The following CNTN1 variants were observed in gnomAD, a reference collection of about 807,000 sequenced individuals.
CNTN1 encodes the protein contactin-1.
A neutral mutation model predicts 126.4 loss-of-function variants in CNTN1; 38 were observed. The observed-to-expected ratio is 0.30, with a 90% CI of 0.23 to 0.39. The LOEUF (loss-of-function observed/expected upper bound fraction) is 0.39. Among genes scored for constraint, CNTN1 ranks in the 10% least tolerant of loss-of-function variants. CNTN1 has a pLI of 1.00. For missense variants in CNTN1, 1,009 were observed against 1,248.4 expected, an observed-to-expected ratio of 0.81 and a Z score of 2.89; for synonymous variants, 413 against 422.6, an observed-to-expected ratio of 0.98 and a Z score of 0.28.
At chr12:41,056,746 A>T (rs1428441407) in intron 23 of CNTN1, among the ~76,000 whole-genome samples, 1 of 151,632 alleles carries the variant, frequency 6.6e-6, no homozygotes, top group African/African-American at 2.4e-5. Context: ...TCTAGACTCC[A>T]TCCGTACAAG....
At chr12:40,906,042 G>A (rs1320199007) in intron 1 of CNTN1, among the ~76,000 whole-genome samples, 2 of 152,200 alleles carry the variant, frequency 1.3e-5, no homozygotes. Context: ...TTGGGAGGCC[G>A]AGGCGGGCGG....
At position 41,016,928 on chromosome 12, in the gene CNTN1, A is replaced by C. The variant is rs773079383; in HGVS notation, c.2419+12A>C. 6.2e-7 allele frequency: 1 copy of C among 1,603,518 alleles called. No homozygotes were observed. The highest frequency in any genetic ancestry group is 1.1e-5 in the South Asian group (1 of 90,888). On this transcript the variant is annotated intron_variant, in intron 19 of 23. Transcript: ENST00000551295. ...TTCAGCACAAGACGGTAGGTGAAAG[A>C]AAGACCTTCTTACCTGAGGAGGGAG... is the stretch of plus-strand genomic sequence containing the variant.
At chr12:40,860,946 A>G (rs1943097517) in intron 1 of CNTN1, among the ~76,000 whole-genome samples, 1 of 152,084 alleles carries the variant, frequency 6.6e-6, no homozygotes, top group Non-Finnish European at 1.5e-5. Context: ...TATTACTACA[A>G]AAGATACTTC....
chr12:41,015,261 C>T (rs974874521), intron 18 of CNTN1, among the ~76,000 whole-genome samples: 1 of 151,990 alleles, frequency 6.6e-6, no homozygotes, highest in African/African-American at 2.4e-5. Context: ...ATGAAATGTC[C>T]AAAAATGCAA....
intron 23 of CNTN1, among the ~76,000 whole-genome samples, chr12:41,043,797 C>T (rs1949477883): frequency 6.6e-6 from 1 of 151,144 alleles, no homozygotes; most frequent in Non-Finnish European, 1.5e-5. Context: ...GGCACATATA[C>T]ACCATGGAAT....
chr12:40,816,162 C>T (rs1941248372), intron 1 of CNTN1, among the ~76,000 whole-genome samples: 1 of 152,148 alleles, frequency 6.6e-6, no homozygotes, highest in South Asian at 2.1e-4. Flanking sequence ...ATGCTGGCTT[C>T]ATAAAATGAG....
intron 12 of CNTN1, among the ~76,000 whole-genome samples, chr12:40,941,350 T>G (rs1946257734): frequency 6.6e-6 from 1 of 152,146 alleles, no homozygotes; most frequent in African/African-American, 2.4e-5. Context: ...ATAAAAATTT[T>G]GGTGTCTATT....
intron 16 of CNTN1, among the ~76,000 whole-genome samples, chr12:40,989,227 T>C (rs1948042124): frequency 6.6e-6 from 1 of 152,156 alleles, no homozygotes; most frequent in Non-Finnish European, 1.5e-5. Flanking sequence ...AAGGATCCAA[T>C]AGTTCCTACC....
chr12:40,996,621 A>G (rs1197716071), intron 17 of CNTN1, among the ~76,000 whole-genome samples: 1 of 152,192 alleles, frequency 6.6e-6, no homozygotes, highest in South Asian at 2.1e-4. Flanking sequence ...TCTCCTGTCT[A>G]CTTTGTAATG....
At chr12:41,034,925 G>T (rs1252748131) in intron 23 of CNTN1, among the ~76,000 whole-genome samples, 1 of 152,184 alleles carries the variant, frequency 6.6e-6, no homozygotes, top group Non-Finnish European at 1.5e-5. Context: ...CATAACTCCT[G>T]CAGTGACTAG....
chr12:40,963,239 G>A (rs1004517067), intron 15 of CNTN1, among the ~76,000 whole-genome samples: 25 of 151,960 alleles, frequency 1.6e-4, no homozygotes, highest in Non-Finnish European at 2.9e-4. Flanking sequence ...CAAAAAACCC[G>A]TCTCTACCAA....
chr12:40,998,499 C>CT (rs1948276393), intron 17 of CNTN1, among the ~76,000 whole-genome samples: 1 of 152,084 alleles, frequency 6.6e-6, no homozygotes, highest in Non-Finnish European at 1.5e-5. Context: ...GACCCTCTAT[C>CT]TTTTTAAGCT....
intron 1 of CNTN1, among the ~76,000 whole-genome samples, chr12:40,876,593 G>T (rs1450916189): frequency 6.6e-6 from 1 of 151,970 alleles, no homozygotes; most frequent in Non-Finnish European, 1.5e-5. Context: ...CTATTAAGGA[G>T]AATATGTTTA....
chr12:40,726,580 A>T (rs1257770799), intron 1 of CNTN1, among the ~76,000 whole-genome samples: 1 of 152,162 alleles, frequency 6.6e-6, no homozygotes, highest in African/African-American at 2.4e-5. Context: ...CCATGATCCG[A>T]TTACCTCCAC....
chr12:40,824,771 T>C (rs1941555716), intron 1 of CNTN1, among the ~76,000 whole-genome samples: 6 of 152,144 alleles, frequency 3.9e-5, no homozygotes. Flanking sequence ...AACCCCTGTG[T>C]CTTTAAATAT....
chr12:40,977,164 TC>T (rs1319585011), intron 15 of CNTN1, among the ~76,000 whole-genome samples: 2 of 152,068 alleles, frequency 1.3e-5, no homozygotes, highest in Non-Finnish European at 2.9e-5. Context: ...ATGGGGGGCT[TC>T]CAGATCAGAG....
chr12:40,709,109 T>C (rs1941843564), intron 1 of CNTN1, among the ~76,000 whole-genome samples: 1 of 152,202 alleles, frequency 6.6e-6, no homozygotes, highest in South Asian at 2.1e-4. Context: ...ATGAAAGGTA[T>C]TTCCTAAATA....
At chr12:41,064,836 T>C (rs998204380) in intron 23 of CNTN1, among the ~76,000 whole-genome samples, 2 of 152,064 alleles carry the variant, frequency 1.3e-5, no homozygotes, top group Non-Finnish European at 2.9e-5. Context: ...TATTTTATAG[T>C]TGAAGGAAAA....
chr12:40,965,992 AT>A lies in CNTN1; in HGVS notation c.1804+6759del, dbSNP rs200508842. Among the ~76,000 whole-genome samples the A allele has an allele frequency of 3.5e-3, 489 of 138,310 alleles. 2 individuals are homozygous for A. The highest frequency in any genetic ancestry group is 0.013 in the African/African-American group (472 of 35,828). 90.7% of individuals were successfully genotyped at this position (138,310 alleles called of 152,430 possible). A position where few individuals can be genotyped will look rare whatever the true frequency, so the allele number is the denominator to read the frequency against. On this transcript the variant is annotated intron_variant, in intron 15 of 23. Transcript: ENST00000551295. ...ACAGGCGTGTAAGTATACACACCTC[AT>A]CACACCACACACACACACACACACA...
Sources: gnomAD v4.1 joint callset for allele counts (sites outside exome capture counted in the v4.1 genomes callset) on GRCh38, gnomAD v4.1.1 for gene constraint, MANE v1.5 for transcripts, NCBI Gene and HGNC (gene_info 2026-07-23, HGNC 2026-07-21) for gene names.